Variants in SERPINI1 observed in about 807,000 individuals in gnomAD.
SERPINI1 encodes serpin family I member 1.
SERPINI1 carries 19 observed loss-of-function variants against 41.1 expected under a neutral mutation model. The ratio of observed to expected loss-of-function variants is 0.46; its 90% CI spans 0.32 to 0.68. SERPINI1 has a LOEUF of 0.68. Among genes scored for constraint, SERPINI1 ranks in the 30% least tolerant of loss-of-function variants. The pLI, the probability that SERPINI1 is intolerant of heterozygous loss-of-function variation, is 0.03. For missense variants in SERPINI1, 460 were observed against 479.2 expected (o/e 0.96, Z 0.37); for synonymous variants, 138 against 156.6 (o/e 0.88, Z 0.89).
At chr3:167,796,224 G>T (rs1016265919) in intron 5 of SERPINI1, among the ~76,000 whole-genome samples, 1 of 151,612 alleles carries the variant, frequency 6.6e-6, no homozygotes, top group Admixed American at 6.6e-5. Flanking sequence ...TTTTTGCCTG[G>T]AAAATTGTTT....
At position 167,822,891 on chromosome 3, in the gene SERPINI1, C is replaced by T. The variant is rs1577438055; in HGVS notation, c.980-95C>T. ...ATCTCCTAGGTTTTCTTCAGTATCC[C>T]AGTCTCTTAGATCTCTAAAATCCAT... On this transcript the variant is annotated intron_variant, in intron 6 of 8. Transcript: ENST00000446050. 11 of 731,372 alleles carry T rather than the reference C, an allele frequency of 1.5e-5. No individual in the cohort carries two copies. The South Asian group carries it at 1.5e-4, about 10-fold the overall frequency. The allele number at this position is 731,372 out of a possible 1,614,324, so 45.3% of individuals were successfully genotyped here.
chr3:167,786,138 A>T (rs959228878), intron 1 of SERPINI1, among the ~76,000 whole-genome samples: 5 of 152,346 alleles, frequency 3.3e-5, no homozygotes, highest in African/African-American at 1.2e-4. Flanking sequence ...ATCTAAACAC[A>T]GAAAAGGAAT....
At chr3:167,809,847 C>T (rs938743910) in intron 6 of SERPINI1, among the ~76,000 whole-genome samples, 4 of 151,992 alleles carry the variant, frequency 2.6e-5, no homozygotes. Flanking sequence ...ACTATTTGCC[C>T]CCTTAAACAT....
intron 6 of SERPINI1, among the ~76,000 whole-genome samples, chr3:167,820,309 C>T (rs1455525082): frequency 6.6e-6 from 1 of 152,298 alleles, no homozygotes; most frequent in African/African-American, 2.4e-5. Flanking sequence ...CCAGCAGGAG[C>T]TGGGAAGAAG....
chr3:167,804,092 T>C (rs1472798315), intron 5 of SERPINI1, among the ~76,000 whole-genome samples: 1 of 152,192 alleles, frequency 6.6e-6, no homozygotes, highest in Non-Finnish European at 1.5e-5. Flanking sequence ...TTCCCTTTTT[T>C]GAGATGGATA....
intron 1 of SERPINI1, among the ~76,000 whole-genome samples, chr3:167,773,723 A>T (rs1726869437): frequency 6.6e-6 from 1 of 152,230 alleles, no homozygotes. Flanking sequence ...AATAGAATTA[A>T]CAGGCAGGTA....
rs552927047 is a variant in SERPINI1 at position 167,754,933 on chromosome 3, G to T, written c.-19+19110G>T. Among the ~76,000 whole-genome samples, 10 of 152,246 alleles carry T rather than the reference G, an allele frequency of 6.6e-5. No homozygotes were observed. The South Asian group carries it at 2.1e-3, about 32-fold the overall frequency. On this transcript the variant is annotated intron_variant, in intron 1 of 8. Coordinates refer to ENST00000446050, the MANE Select transcript of SERPINI1 (RefSeq NM_001122752.2). Reference sequence around the variant, plus strand: ...TCATTCCCTATTAACTGACCACCTAGTTGGCCTCCTCTTCCTTCTTTCTTT... The same window carrying T: ...TCATTCCCTATTAACTGACCACCTATTTGGCCTCCTCTTCCTTCTTTCTTT...
chr3:167,744,691 C>T (rs529728736), intron 1 of SERPINI1, among the ~76,000 whole-genome samples: 9 of 124,006 alleles, frequency 7.3e-5, no homozygotes, highest in African/African-American at 1.5e-4. Flanking sequence ...TATATATAAA[C>T]ATATATAAAT....
At position 167,742,818 on chromosome 3, in the gene SERPINI1, T is replaced by TTGTGTGTGTGTG. The variant is rs10576293; in HGVS notation, c.-19+7025_-19+7036dup. Among the ~76,000 whole-genome samples the TTGTGTGTGTGTG allele has an allele frequency of 7.6e-5, 11 of 145,096 alleles. No homozygotes were observed. The East Asian group carries it at 1.0e-3, about 14-fold the overall frequency. On this transcript the variant is annotated intron_variant, in intron 1 of 8. Coordinates refer to ENST00000446050, the MANE Select transcript of SERPINI1 (RefSeq NM_001122752.2). Reference sequence around the variant, plus strand: ...TCATTGTTATCAATTTTGTGCCGTTTTGTGTGTGTGTGTGTGTGTGTGTGT... The same window carrying TTGTGTGTGTGTG: ...TCATTGTTATCAATTTTGTGCCGTTTTGTGTGTGTGTGTGTGTGTGTGTGTGTGTGTGTGTGT...
intron 4 of SERPINI1, among the ~76,000 whole-genome samples, chr3:167,793,115 G>A (rs186954221): frequency 3.8e-4 from 58 of 152,224 alleles, no homozygotes; most frequent in African/African-American, 1.3e-3. Context: ...TATGTTCCAC[G>A]AAGCACTTGA....
At chr3:167,789,705 A>ATTTTC (rs1727434405) in intron 2 of SERPINI1, among the ~76,000 whole-genome samples, 1 of 151,596 alleles carries the variant, frequency 6.6e-6, no homozygotes, top group South Asian at 2.1e-4. Context: ...GAAAAATTAC[A>ATTTTC]AATATGATGA....
chr3:167,779,981 A>C (rs1727069709), intron 1 of SERPINI1, among the ~76,000 whole-genome samples: 1 of 152,148 alleles, frequency 6.6e-6, no homozygotes, highest in South Asian at 2.1e-4. Context: ...CTTTGTAGTC[A>C]CTTATTTCAC....
At chr3:167,820,193 G>T (rs1161246192) in intron 6 of SERPINI1, among the ~76,000 whole-genome samples, 1 of 152,184 alleles carries the variant, frequency 6.6e-6, no homozygotes, top group Non-Finnish European at 1.5e-5. Flanking sequence ...TGGTATATTA[G>T]TCATATTTAC....
chr3:167,760,823 C>G (rs1007863801), intron 1 of SERPINI1, among the ~76,000 whole-genome samples: 4 of 152,102 alleles, frequency 2.6e-5, no homozygotes, highest in Non-Finnish European at 5.9e-5. Flanking sequence ...AAGATCAATT[C>G]ATCACACAGT....
intron 1 of SERPINI1, among the ~76,000 whole-genome samples, chr3:167,759,314 C>G (rs1577403149): frequency 6.6e-6 from 1 of 150,894 alleles, no homozygotes; most frequent in South Asian, 2.1e-4. Flanking sequence ...AGACACCTTA[C>G]TCATATGTTT....
chr3:167,816,700 G>C (rs1428725837), intron 6 of SERPINI1, among the ~76,000 whole-genome samples: 2 of 152,094 alleles, frequency 1.3e-5, no homozygotes, highest in East Asian at 3.9e-4. Flanking sequence ...GGCTTCAATA[G>C]AATTAGTTTC....
At chr3:167,772,980 A>ATATATGTGTG (rs1560002819) in intron 1 of SERPINI1, among the ~76,000 whole-genome samples, 2 of 126,062 alleles carry the variant, frequency 1.6e-5, no homozygotes, top group Non-Finnish European at 3.3e-5. Context: ...ATATATATGT[A>ATATATGTGTG]TATATATATA....
At chr3:167,768,401 A>G (rs1279629492) in intron 1 of SERPINI1, among the ~76,000 whole-genome samples, 1 of 152,230 alleles carries the variant, frequency 6.6e-6, no homozygotes, top group East Asian at 1.9e-4. Flanking sequence ...GGAAAACCAA[A>G]AAGTTCATAT....
At chr3:167,736,157 A>C (rs1725419115) in intron 1 of SERPINI1, 1 of 152,208 alleles carries the variant, frequency 6.6e-6, no homozygotes, top group Admixed American at 6.5e-5. Flanking sequence ...ATAAAAAGCA[A>C]AAATTTTGCT....
Sources: allele counts gnomAD v4.1 joint callset (sites outside exome capture counted in the v4.1 genomes callset), GRCh38; gene constraint gnomAD v4.1.1; transcripts MANE v1.5; gene names NCBI Gene and HGNC (gene_info 2026-07-23, HGNC 2026-07-21).